Variants in PSMB2 observed in about 807,000 individuals in gnomAD.
PSMB2 encodes the protein proteasome 20S subunit beta 2.
Under a neutral mutation model 25.7 loss-of-function variants are expected in PSMB2, and 13 were observed. The observed-to-expected ratio is 0.51, with a 90% confidence interval of 0.33 to 0.80. The LOEUF (loss-of-function observed/expected upper bound fraction) is 0.80. PSMB2 is among the 30% of genes least tolerant of loss of function. PSMB2 has a pLI of 0.02. For synonymous variants in PSMB2, 87 were observed against 96.2 expected, an observed-to-expected ratio of 0.90 and a Z score of 0.56; for missense variants, 202 against 259.0, an observed-to-expected ratio of 0.78 and a Z score of 1.51.
Position 35,631,297 on chromosome 1 carries a change from G to C in PSMB2, c.262C>G (p.Leu88Val), listed in dbSNP as rs1267204544. ...TAAANFTRRN[L>V]ADCLRSRTPY... The stretch of plus-strand genomic sequence containing the variant: ...ACCCGACTCCGAAGACAGTCAGCCA[G>C]GTTTCGGCGTGTGAAGTTAGCTGCT... The change falls in exon 3 of 6, where the codon CTG becomes GTG. Residue 88 changes from leucine (L) to valine (V), a missense_variant. Transcript: ENST00000373237. The C allele has an allele frequency of 1.9e-6, 3 of 1,614,184 alleles. No homozygotes were observed. The highest frequency in any genetic ancestry group is 2.2e-5 in the South Asian group (2 of 91,084).
At chr1:35,621,272 T>C (rs1188455746) in intron 3 of PSMB2, among the ~76,000 whole-genome samples, 6 of 152,182 alleles carry the variant, frequency 3.9e-5, no homozygotes, top group African/African-American at 9.7e-5. Flanking sequence ...GAGTACCCTG[T>C]GTATATGGCT....
chr1:35,616,138 A>G (rs1302661397), intron 3 of PSMB2, among the ~76,000 whole-genome samples: 1 of 152,196 alleles, frequency 6.6e-6, no homozygotes, highest in Non-Finnish European at 1.5e-5. Flanking sequence ...AGGAAACAGT[A>G]ACTTGCCCTA....
At chr1:35,619,750 C>T (rs1471976119) in intron 3 of PSMB2, among the ~76,000 whole-genome samples, 1 of 152,184 alleles carries the variant, frequency 6.6e-6, no homozygotes, top group Non-Finnish European at 1.5e-5. Context: ...TGTAACTTAT[C>T]GTAATTAGAA....
At chr1:35,619,351 A>G (rs1429507282) in intron 3 of PSMB2, among the ~76,000 whole-genome samples, 1 of 152,262 alleles carries the variant, frequency 6.6e-6, no homozygotes, top group Non-Finnish European at 1.5e-5. Flanking sequence ...TTTAAATGCC[A>G]TAAGTCATAT....
At chr1:35,607,226 G>A (rs1313115049) in intron 4 of PSMB2, among the ~76,000 whole-genome samples, 1 of 152,082 alleles carries the variant, frequency 6.6e-6, no homozygotes. Flanking sequence ...GCACAGCAAA[G>A]GAAACAAGAG....
In PSMB2 at chr1:35,599,909, G is replaced by A; in HGVS notation, c.*3358C>T. On this transcript the variant is annotated 3_prime_UTR_variant, in exon 6 of 6. Coordinates refer to ENST00000373237, the MANE Select transcript of PSMB2 (RefSeq NM_002794.5). ...GTGCTTTGGCAGACCAAGGTGGGAG[G>A]ATCACTTGAGGCCAAGAGTTCGAGA... 1.1e-6 allele frequency: 1 copy of A among 914,100 alleles called. No homozygotes were observed. The highest frequency in any genetic ancestry group is 1.3e-6 in the Non-Finnish European group (1 of 764,970). 56.6% of individuals were successfully genotyped at this position (914,100 alleles called of 1,614,324 possible).
At chr1:35,634,782 T>C (rs968839279) in intron 2 of PSMB2, among the ~76,000 whole-genome samples, 26 of 151,950 alleles carry the variant, frequency 1.7e-4, no homozygotes, top group South Asian at 2.1e-4. Flanking sequence ...GGGTTTTTTT[T>C]TTTTTGGTTG....
chr1:35,637,573 T>A (rs1013983340), intron 1 of PSMB2, among the ~76,000 whole-genome samples: 3 of 152,182 alleles, frequency 2.0e-5, no homozygotes, highest in African/African-American at 7.2e-5. Flanking sequence ...TGCTGAATAA[T>A]CCTCCCTGGG....
chr1:35,625,382 GT>G (rs1182656365), intron 3 of PSMB2, among the ~76,000 whole-genome samples: 2 of 152,130 alleles, frequency 1.3e-5, no homozygotes, highest in Non-Finnish European at 2.9e-5. Context: ...GATTTGCCTG[GT>G]TTATACCTGT....
rs1650028152 is a variant in PSMB2, at chr1:35,602,378, T to A, written c.*889A>T. ...AATTTAAAGGGGGCATGTGTCTGTATGTATGTATACTTTACACAGTAACAG... is the reference window on the plus strand; with the variant it reads ...AATTTAAAGGGGGCATGTGTCTGTAAGTATGTATACTTTACACAGTAACAG... On this transcript the variant is annotated 3_prime_UTR_variant, in exon 6 of 6. Transcript: ENST00000373237. 6.6e-6 allele frequency: 1 copy of A among 152,230 alleles called. No individual in the cohort carries two copies. The highest frequency in any genetic ancestry group is 6.5e-5 in the Admixed American group (1 of 15,278). The allele number at this position is 152,230 out of a possible 1,614,324, so 9.4% of individuals were successfully genotyped here.
In PSMB2 at chr1:35,636,295, G is replaced by GT; in HGVS notation, c.214+14dup. On this transcript the variant is annotated intron_variant, in intron 2 of 5. Transcript: ENST00000373237. ...GTAAACTCATATGCCAACTAAAACT[G>GT]TAAGTCTTACCCACCATTTCGCATC... is the stretch of plus-strand genomic sequence containing the variant. The GT allele has an allele frequency of 6.2e-7, 1 of 1,613,778 alleles. No individual in the cohort carries two copies. The highest frequency in any genetic ancestry group is 8.5e-7 in the Non-Finnish European group (1 of 1,179,848).
intron 5 of PSMB2, among the ~76,000 whole-genome samples, chr1:35,603,797 TG>T (rs1006079940): frequency 1.3e-5 from 2 of 151,964 alleles, no homozygotes; most frequent in African/African-American, 4.8e-5. Context: ...GGCCTGTAAT[TG>T]GGAGGTTGAG....
At chr1:35,625,307 A>C (rs1650821899) in intron 3 of PSMB2, among the ~76,000 whole-genome samples, 1 of 152,220 alleles carries the variant, frequency 6.6e-6, no homozygotes, top group South Asian at 2.1e-4. Flanking sequence ...CGACGATTAC[A>C]CATCATGGAG....
At chr1:35,620,223 G>A (rs1037729271) in intron 3 of PSMB2, among the ~76,000 whole-genome samples, 19 of 152,284 alleles carry the variant, frequency 1.2e-4, no homozygotes, top group African/African-American at 4.6e-4. Flanking sequence ...GATGGTATAT[G>A]TTTTCAGATA....
chr1:35,630,132 A>T (rs7529663), intron 3 of PSMB2, among the ~76,000 whole-genome samples: 1 of 152,164 alleles, frequency 6.6e-6, no homozygotes. Context: ...CCAAGATTGC[A>T]CCATTGCACT....
At chr1:35,636,554 A>G in intron 1 of PSMB2, 122 bp from the exon 2 acceptor site, 1 of 1,146,778 alleles carries the variant, frequency 8.7e-7, no homozygotes, top group East Asian at 2.7e-5. Flanking sequence ...TGGATTCTGA[A>G]TCCACAATTC....
chr1:35,628,631 A>ATATATTTTT (rs1202256440), intron 3 of PSMB2, among the ~76,000 whole-genome samples: 9 of 38,074 alleles, frequency 2.4e-4, no homozygotes, highest in African/African-American at 1.2e-3. Flanking sequence ...ATATATATAT[A>ATATATTTTT]TTTTTTTTTT....
intron 3 of PSMB2, among the ~76,000 whole-genome samples, chr1:35,611,882 GC>G (rs1051798259): frequency 6.6e-6 from 1 of 151,688 alleles, no homozygotes; most frequent in African/African-American, 2.4e-5. Flanking sequence ...TGTTGCCCAG[GC>G]TGGCCTTCAA....
At chr1:35,626,753 C>T (rs1184632674) in intron 3 of PSMB2, among the ~76,000 whole-genome samples, 1 of 152,168 alleles carries the variant, frequency 6.6e-6, no homozygotes, top group African/African-American at 2.4e-5. Flanking sequence ...AATAAGGATA[C>T]TTAATAACAG....
Sources: gnomAD v4.1 joint callset for allele counts (sites outside exome capture counted in the v4.1 genomes callset) on GRCh38, gnomAD v4.1.1 for gene constraint, MANE v1.5 for transcripts, NCBI Gene and HGNC (gene_info 2026-07-23, HGNC 2026-07-21) for gene names.